PHF20: variants seen among roughly 807,000 people sequenced by gnomAD.
The protein encoded by PHF20 is PHD finger protein 20.
PHF20 carries 23 observed loss-of-function variants against 113.5 expected under a neutral mutation model. The ratio of observed to expected loss-of-function variants is 0.20; its 90% CI spans 0.15 to 0.29. The LOEUF (loss-of-function observed/expected upper bound fraction) is 0.29, where lower values mean the gene tolerates loss of function less well. PHF20 is among the 10% of genes least tolerant of loss of function. The pLI, the probability that PHF20 is intolerant of heterozygous loss-of-function variation, is 1.00. For missense variants in PHF20, 943 were observed against 1,219.6 expected, an observed-to-expected ratio of 0.77 and a Z score of 3.38; for synonymous variants, 434 against 457.3, an observed-to-expected ratio of 0.95 and a Z score of 0.65.
At chr20:35,830,763 G>T (rs182513257) in intron 2 of PHF20, among the ~76,000 whole-genome samples, 34 of 149,958 alleles carry the variant, frequency 2.3e-4, no homozygotes, top group Admixed American at 1.8e-3. Context: ...GGGTACATGT[G>T]CAAGATTTGC....
chr20:35,864,073 A>C (rs1354101593), intron 6 of PHF20, among the ~76,000 whole-genome samples: 1 of 152,148 alleles, frequency 6.6e-6, no homozygotes, highest in African/African-American at 2.4e-5. Context: ...TCGTTCTCCA[A>C]ATCAATTCAA....
At chr20:35,835,529 AC>A (rs1294892691) in intron 2 of PHF20, among the ~76,000 whole-genome samples, 1 of 152,246 alleles carries the variant, frequency 6.6e-6, no homozygotes, top group Non-Finnish European at 1.5e-5. Flanking sequence ...ATCCTGGAAC[AC>A]CAAGTAGAGA....
At chr20:35,800,496 C>A (rs921110746) in intron 1 of PHF20, among the ~76,000 whole-genome samples, 5 of 152,120 alleles carry the variant, frequency 3.3e-5, no homozygotes, top group African/African-American at 1.2e-4. Flanking sequence ...CAATTCTGGG[C>A]GCAGTGGTTC....
chr20:35,896,390 G>C (rs2054984226), intron 9 of PHF20, among the ~76,000 whole-genome samples: 2 of 152,070 alleles, frequency 1.3e-5, no homozygotes. Flanking sequence ...TTTAAAAAAA[G>C]ATCCATTTAA....
intron 1 of PHF20, among the ~76,000 whole-genome samples, chr20:35,791,487 ATCTATC>A (rs2041551626): frequency 7.7e-6 from 1 of 129,098 alleles, no homozygotes; most frequent in South Asian, 2.3e-4. Context: ...CTATCTATCT[ATCTATC>A]TATCTATCTT....
chr20:35,859,605 C>T (rs565753937), intron 5 of PHF20, among the ~76,000 whole-genome samples: 50 of 150,168 alleles, frequency 3.3e-4, no homozygotes, highest in African/African-American at 1.2e-3. Flanking sequence ...TGTGCAGTGG[C>T]GCAATCTTGG....
rs540881533 is a variant in PHF20, at chr20:35,888,266, C to T, written c.1283-11104C>T. On this transcript the variant is annotated intron_variant, in intron 9 of 17. Coordinates refer to ENST00000374012, the MANE Select transcript of PHF20 (RefSeq NM_016436.5). ...AAAGTGTTGGGATTACAGGTGTGAG[C>T]CACCACGCCTGGCCTAGGGTAACCA... is the stretch of plus-strand genomic sequence containing the variant. 3.0e-4 allele frequency among the ~76,000 whole-genome samples: 46 copies of T among 152,232 alleles called. 1 individual carries two copies. Among genetic ancestry groups the T allele is most frequent in the South Asian group, 1.5e-3 (7 of 4,822 alleles).
chr20:35,885,431 T>C (rs1351875848), intron 9 of PHF20, among the ~76,000 whole-genome samples: 1 of 149,744 alleles, frequency 6.7e-6, no homozygotes, highest in Admixed American at 6.6e-5. Context: ...TTCAGTCTTC[T>C]ACTTTTTTTA....
intron 9 of PHF20, among the ~76,000 whole-genome samples, chr20:35,890,075 T>C (rs573961266): frequency 1.9e-4 from 29 of 152,056 alleles, no homozygotes; most frequent in African/African-American, 6.8e-4. Flanking sequence ...TTGCCCAAGC[T>C]GGAGTGCAGT....
chr20:35,815,814 G>C (rs910219692), intron 2 of PHF20, among the ~76,000 whole-genome samples: 1 of 152,068 alleles, frequency 6.6e-6, no homozygotes, highest in Non-Finnish European at 1.5e-5. Context: ...GATCACCTGA[G>C]CCCAGAAGGC....
chr20:35,923,821 A>G, intron 13 of PHF20, among the ~76,000 whole-genome samples: 1 of 152,212 alleles, frequency 6.6e-6, no homozygotes, highest in African/African-American at 2.4e-5. Context: ...GCACAATCAC[A>G]GCTCATGGCA....
chr20:35,911,333 C>T (rs569831538), intron 10 of PHF20, among the ~76,000 whole-genome samples: 2 of 152,274 alleles, frequency 1.3e-5, no homozygotes, highest in African/African-American at 2.4e-5. Context: ...TGAGCCACTG[C>T]GCCCGGCCTG....
intron 15 of PHF20, among the ~76,000 whole-genome samples, chr20:35,935,654 A>C (rs1402638037): frequency 6.6e-6 from 1 of 152,254 alleles, no homozygotes; most frequent in South Asian, 2.1e-4. Flanking sequence ...GGCATGAGCC[A>C]CTGTGCCTAG....
At position 35,947,826 on chromosome 20, in the gene PHF20, A is replaced by G. The variant is rs755634654; in HGVS notation, c.*199A>G. 1.8e-6 allele frequency: 1 copy of G among 561,540 alleles called. No individual in the cohort carries two copies. 34.8% of individuals were successfully genotyped at this position (561,540 alleles called of 1,614,324 possible). ...GGACACTCTGATCTCGAAGCCTGCCATAAAGGTAGCAAATAGACTCTTGGG... is the reference window on the plus strand; with the variant it reads ...GGACACTCTGATCTCGAAGCCTGCCGTAAAGGTAGCAAATAGACTCTTGGG... On this transcript the variant is annotated 3_prime_UTR_variant, in exon 18 of 18. Coordinates refer to ENST00000374012, the MANE Select transcript of PHF20 (RefSeq NM_016436.5).
intron 10 of PHF20, among the ~76,000 whole-genome samples, chr20:35,902,053 C>T (rs1568735939): frequency 6.6e-6 from 1 of 152,222 alleles, no homozygotes; most frequent in East Asian, 1.9e-4. Context: ...TTCCTTCTTC[C>T]CCTTGCTTTC....
chr20:35,892,224 A>AT (rs780490898), intron 9 of PHF20, among the ~76,000 whole-genome samples: 4,970 of 102,462 alleles, frequency 0.049, 189 homozygotes, highest in South Asian at 0.18. Context: ...CGCCTGGCTG[A>AT]TTTTTTTTTT....
At chr20:35,802,939 A>G (rs1395959241) in intron 2 of PHF20, among the ~76,000 whole-genome samples, 4 of 107,522 alleles carry the variant, frequency 3.7e-5, no homozygotes, top group South Asian at 2.7e-4. Flanking sequence ...ACTCGGTCTG[A>G]AAAAAAAAAA....
chr20:35,926,639 T>C (rs1479648840), intron 13 of PHF20, among the ~76,000 whole-genome samples: 1 of 152,168 alleles, frequency 6.6e-6, no homozygotes, highest in Non-Finnish European at 1.5e-5. Context: ...CATCTGTAAA[T>C]TGAAGAATCT....
intron 2 of PHF20, among the ~76,000 whole-genome samples, chr20:35,806,868 T>G (rs2041892197): frequency 6.7e-6 from 1 of 149,228 alleles, no homozygotes; most frequent in African/African-American, 2.5e-5. Context: ...CGATCTTGGC[T>G]CATTGCAAGC....
Sources: allele counts gnomAD v4.1 joint callset (sites outside exome capture counted in the v4.1 genomes callset), GRCh38; gene constraint gnomAD v4.1.1; transcripts MANE v1.5; gene names NCBI Gene and HGNC (gene_info 2026-07-23, HGNC 2026-07-21).